Variants in ATG7 observed in about 807,000 individuals in gnomAD.
ATG7 encodes ubiquitin-like modifier-activating enzyme ATG7.
In ATG7, 70 loss-of-function variants were observed where a neutral mutation model predicts 82.4. The ratio of observed to expected loss-of-function variants is 0.85; its 90% CI spans 0.70 to 1.04. ATG7 has a LOEUF of 1.04. ATG7 is among the 50% of genes least tolerant of loss of function. The pLI, the probability that ATG7 is intolerant of heterozygous loss-of-function variation, is 0.00. For missense variants in ATG7, 792 were observed against 864.3 expected, an observed-to-expected ratio of 0.92 and a Z score of 1.05; for synonymous variants, 287 against 313.0, an observed-to-expected ratio of 0.92 and a Z score of 0.88.
At chr3:11,524,811 A>C (rs1203353986) in intron 20 of ATG7, among the ~76,000 whole-genome samples, 3 of 151,998 alleles carry the variant, frequency 2.0e-5, no homozygotes, top group African/African-American at 4.8e-5. Flanking sequence ...AAAACAAAAA[A>C]AAACAAAACA....
chr3:11,548,292 C>A (rs1002891667), intron 20 of ATG7, among the ~76,000 whole-genome samples: 1 of 152,264 alleles, frequency 6.6e-6, no homozygotes, highest in South Asian at 2.1e-4. Context: ...AGATACAAGT[C>A]TCTTATCAGA....
chr3:11,438,607 C>A (rs9869977), intron 20 of ATG7, among the ~76,000 whole-genome samples: 78,039 of 151,822 alleles, frequency 0.51, 20,947 homozygotes, highest in East Asian at 0.68. Context: ...TTCTTTTTAA[C>A]CTAAATTCTG....
the ATG7 span, among the ~76,000 whole-genome samples, chr3:11,575,357 T>C: frequency 1.3e-5 from 2 of 152,342 alleles, no homozygotes; most frequent in South Asian, 2.1e-4. Flanking sequence ...GTGACAGTCA[T>C]TAAATCAGCA....
chr3:11,368,229 T>TAAAA (rs760208581), intron 18 of ATG7, among the ~76,000 whole-genome samples: 13 of 109,328 alleles, frequency 1.2e-4, no homozygotes, highest in East Asian at 2.6e-4. Context: ...TTCTTTTACT[T>TAAAA]AAAAAAAAAA....
chr3:11,363,044 C>T, intron 17 of ATG7, 116 bp downstream of exon 17: 1 of 930,490 alleles, frequency 1.1e-6, no homozygotes. Flanking sequence ...ACTATTTCAC[C>T]CTCAAAAAAA....
chr3:11,285,726 C>T (rs1471898732), intron 3 of ATG7, among the ~76,000 whole-genome samples: 2 of 152,122 alleles, frequency 1.3e-5, no homozygotes, highest in African/African-American at 4.8e-5. Flanking sequence ...CTGTGTGTGA[C>T]ACACAGCTTT....
chr3:11,565,451 C>CACTGCTCAGCCCATCTTCCTCACAGT, the ATG7 span, among the ~76,000 whole-genome samples: 1 of 152,166 alleles, frequency 6.6e-6, no homozygotes, highest in South Asian at 2.1e-4. This position sits in a 1 kb window ranked among gnomAD's most constrained non-coding sequence, Gnocchi z 4.1. Context: ...GCCTCCACAG[C>CACTGCTCAGCCCATCTTCCTCACAGT]ACTGCTCAGC....
chr3:11,440,722 C>T (rs536170371), intron 20 of ATG7, among the ~76,000 whole-genome samples: 38 of 102,026 alleles, frequency 3.7e-4, no homozygotes, highest in Non-Finnish European at 6.2e-4. Context: ...TCGCTCTTGT[C>T]GCCCAGGCTG....
At chr3:11,276,075 C>T (rs1284104653) in intron 1 of ATG7, among the ~76,000 whole-genome samples, 4 of 152,234 alleles carry the variant, frequency 2.6e-5, no homozygotes, top group Admixed American at 6.5e-5. Context: ...AGGCCCTCAG[C>T]GTGGCTCAGC....
chr3:11,300,788 C>T (rs1946668576), intron 5 of ATG7, among the ~76,000 whole-genome samples: 1 of 152,116 alleles, frequency 6.6e-6, no homozygotes, highest in Non-Finnish European at 1.5e-5. Flanking sequence ...CAATAAATTA[C>T]CTGAGATATT....
At chr3:11,574,783 A>ATGTGTGTG in the ATG7 span, among the ~76,000 whole-genome samples, 749 of 111,618 alleles carry the variant, frequency 6.7e-3, 9 homozygotes, top group South Asian at 0.014. Context: ...ATTCAACTAT[A>ATGTGTGTG]TATGTGTGTG....
At chr3:11,477,204 G>A (rs1331725109) in intron 20 of ATG7, 1 of 1,288,354 alleles carries the variant, frequency 7.8e-7, no homozygotes, top group Non-Finnish European at 1.0e-6. Flanking sequence ...GAAGAATCAA[G>A]CACTTCTGTG....
chr3:11,282,863 T>G (rs546695228), intron 3 of ATG7, among the ~76,000 whole-genome samples: 184 of 152,218 alleles, frequency 1.2e-3, no homozygotes, highest in Non-Finnish European at 1.9e-3. Context: ...CGACTCCTGG[T>G]GATCTCTACC....
chr3:11,548,921 C>A (rs189430593), intron 20 of ATG7, among the ~76,000 whole-genome samples: 1 of 152,344 alleles, frequency 6.6e-6, no homozygotes, highest in Non-Finnish European at 1.5e-5. Flanking sequence ...CCGTAGGAAT[C>A]GTGGCTGTTG....
intron 19 of ATG7, among the ~76,000 whole-genome samples, chr3:11,387,752 C>G (rs188340387): frequency 6.6e-6 from 1 of 152,010 alleles, no homozygotes; most frequent in Non-Finnish European, 1.5e-5. Context: ...AGGCGGATCA[C>G]GAGGTCAGGA....
chr3:11,277,898 C>G (rs1027626471), intron 1 of ATG7, among the ~76,000 whole-genome samples: 2 of 132,172 alleles, frequency 1.5e-5, no homozygotes, highest in Non-Finnish European at 3.3e-5. Flanking sequence ...TAGACCCCCC[C>G]CCCCCCACCA....
chr3:11,422,546 T>A (rs2082016685), intron 19 of ATG7, among the ~76,000 whole-genome samples: 1 of 152,148 alleles, frequency 6.6e-6, no homozygotes, highest in Admixed American at 6.6e-5. Context: ...TGGTTTGATC[T>A]TCCAGATCAC....
At chr3:11,490,835 A>G (rs2090270751) in intron 20 of ATG7, among the ~76,000 whole-genome samples, 1 of 152,346 alleles carries the variant, frequency 6.6e-6, no homozygotes, top group Non-Finnish European at 1.5e-5. Flanking sequence ...TTCTGCTGAG[A>G]CATCAGCTGT....
intron 20 of ATG7, among the ~76,000 whole-genome samples, chr3:11,515,297 C>CGTGTGTGTGTGTAT (rs1553704985): frequency 2.0e-5 from 3 of 151,216 alleles, no homozygotes; most frequent in Non-Finnish European, 3.0e-5. Context: ...GTCTCTTGCG[C>CGTGTGTGTGTGTAT]GTGTGTGTGT....
Sources: allele counts gnomAD v4.1 joint callset (sites outside exome capture counted in the v4.1 genomes callset), GRCh38; gene constraint gnomAD v4.1.1; non-coding constraint Gnocchi (gnomAD v3.1); transcripts MANE v1.5; gene names NCBI Gene and HGNC (gene_info 2026-07-23, HGNC 2026-07-21).